Variants in COL25A1 observed in about 807,000 individuals in gnomAD.
COL25A1 encodes the protein collagen type XXV alpha 1 chain, also known as collagen alpha-1(XXV) chain.
A neutral mutation model predicts 128.4 loss-of-function variants in COL25A1; 103 were observed. The observed-to-expected ratio is 0.80, with a 90% CI of 0.68 to 0.94. COL25A1 has a LOEUF of 0.94. Ranked by LOEUF, COL25A1 falls within the 40% of genes least tolerant of loss-of-function variation. The pLI, the probability that COL25A1 is intolerant of heterozygous loss-of-function variation, is 0.00. For missense variants in COL25A1, 745 were observed against 840.0 expected, an observed-to-expected ratio of 0.89 and a Z score of 1.40; for synonymous variants, 279 against 277.2, an observed-to-expected ratio of 1.01 and a Z score of -0.06.
intron 3 of COL25A1, among the ~76,000 whole-genome samples, chr4:109,264,721 A>G (rs1001704144): frequency 1.4e-4 from 21 of 152,202 alleles, no homozygotes; most frequent in Non-Finnish European, 2.5e-4. Context: ...GATCAGGCCC[A>G]CTGATCAAAT....
chr4:109,184,442 G>A (rs1774955085), intron 3 of COL25A1, among the ~76,000 whole-genome samples: 1 of 152,108 alleles, frequency 6.6e-6, no homozygotes, highest in African/African-American at 2.4e-5. Context: ...CATGTCCAGG[G>A]CCTAACGAAG....
chr4:108,824,222 G>A lies in COL25A1; in HGVS notation c.1797C>T (p.Phe599=), dbSNP rs766049644. 3 of 1,611,180 alleles carry A rather than the reference G, an allele frequency of 1.9e-6. No individual in the cohort carries two copies. Among genetic ancestry groups the A allele is most frequent in the Non-Finnish European group, 2.5e-6 (3 of 1,178,750 alleles). ...GKDGEPGLDG[F]PGPRGEKGDL... ...CACCCTTCTCACCCCGTGGACCAGG[G>A]AAGCCCTGTAAGATAAAAAGCAAAC... The change falls in exon 35 of 38, where the codon TTC becomes TTT. Residue 599 remains phenylalanine (F), a synonymous_variant. Coordinates refer to ENST00000399132, the MANE Select transcript of COL25A1 (RefSeq NM_198721.4).
At chr4:109,301,545 A>T (rs1317716164) in intron 2 of COL25A1, among the ~76,000 whole-genome samples, 178 bp downstream of exon 2, 1 of 152,194 alleles carries the variant, frequency 6.6e-6, no homozygotes, top group Admixed American at 6.5e-5. Context: ...ACATCAAGGG[A>T]TGTGCACATA....
chr4:109,114,407 C>T (rs142015491), intron 3 of COL25A1, among the ~76,000 whole-genome samples: 145 of 152,016 alleles, frequency 9.5e-4, no homozygotes, highest in Non-Finnish European at 1.8e-3. Flanking sequence ...ACATTCAATC[C>T]AGACTTGAGG....
At chr4:108,886,490 G>GTTTTTTTTT (rs201934712) in intron 18 of COL25A1, among the ~76,000 whole-genome samples, 37 of 41,906 alleles carry the variant, frequency 8.8e-4, no homozygotes, top group African/African-American at 2.4e-3. Flanking sequence ...GTGTGTGTGT[G>GTTTTTTTTT]TGTTTAGCTC....
chr4:108,930,184 C>T (rs2125913730), intron 11 of COL25A1, among the ~76,000 whole-genome samples: 2 of 152,124 alleles, frequency 1.3e-5, no homozygotes, highest in Middle Eastern at 3.4e-3. Flanking sequence ...TTTTAAGGTT[C>T]CACTCAGACA....
chr4:108,942,748 A>ATTT (rs1748277624), intron 8 of COL25A1, among the ~76,000 whole-genome samples: 1 of 103,622 alleles, frequency 9.7e-6, no homozygotes, highest in African/African-American at 4.2e-5. Context: ...CCACATCTGG[A>ATTT]CTTTTTTTTT....
At chr4:109,294,287 TCACAGAATA>T (rs967658153) in intron 3 of COL25A1, among the ~76,000 whole-genome samples, 4 of 152,120 alleles carry the variant, frequency 2.6e-5, no homozygotes, top group African/African-American at 9.7e-5. Context: ...TTTAAATGAA[TCACAGAATA>T]GTCATTTGGA....
chr4:108,824,017 C>T (rs1485542772), intron 35 of COL25A1, 157 bp downstream of exon 35: 3 of 1,599,596 alleles, frequency 1.9e-6, no homozygotes, highest in East Asian at 2.3e-5. Flanking sequence ...TTCTTCATTC[C>T]TCTCTGAAGA....
At position 109,000,953 on chromosome 4, in the gene COL25A1, CAAAAAG is replaced by C. The variant is rs1283081135; in HGVS notation, c.438+9399_438+9404del. Among the ~76,000 whole-genome samples the C allele has an allele frequency of 4.6e-5, 7 of 151,234 alleles. No homozygotes were observed. In the East Asian group the frequency reaches 1.4e-3, roughly 29 times the overall value. ...GAGGAAAGGCTACTGGAAGAAAAGG[CAAAAAG>C]AAAAAGAAGATTTGAAGAGAAAAGA... On this transcript the variant is annotated intron_variant, in intron 6 of 37. Coordinates refer to ENST00000399132, the MANE Select transcript of COL25A1 (RefSeq NM_198721.4).
chr4:109,160,427 G>A (rs983638612), intron 3 of COL25A1, among the ~76,000 whole-genome samples: 6 of 152,132 alleles, frequency 3.9e-5, no homozygotes, highest in Admixed American at 1.3e-4. Context: ...AATTGCCTTG[G>A]AAATTGGCCA....
intron 3 of COL25A1, among the ~76,000 whole-genome samples, chr4:109,221,952 G>A (rs1778445350): frequency 6.6e-6 from 1 of 151,666 alleles, no homozygotes; most frequent in Non-Finnish European, 1.5e-5. Context: ...AGAATAAAGT[G>A]GTCACAAGTT....
At chr4:108,850,576 A>G (rs1458353682) in intron 26 of COL25A1, among the ~76,000 whole-genome samples, 1 of 150,786 alleles carries the variant, frequency 6.6e-6, no homozygotes, top group African/African-American at 2.5e-5. Context: ...TCATCTGGGC[A>G]ACTTCTTCCT....
At chr4:108,876,012 T>A (rs1422349951) in intron 19 of COL25A1, among the ~76,000 whole-genome samples, 2 of 151,762 alleles carry the variant, frequency 1.3e-5, no homozygotes, top group African/African-American at 2.4e-5. Context: ...AAATGAACAA[T>A]GAGATCACTT....
At chr4:109,091,191 T>C (rs61703498) in intron 3 of COL25A1, among the ~76,000 whole-genome samples, 3,614 of 152,256 alleles carry the variant, frequency 0.024, 163 homozygotes, top group African/African-American at 0.082. Context: ...ATTTCTAACT[T>C]GTTTGCTTTG....
At chr4:108,904,719 G>A (rs1005428532) in intron 13 of COL25A1, among the ~76,000 whole-genome samples, 2 of 151,950 alleles carry the variant, frequency 1.3e-5, no homozygotes, top group Non-Finnish European at 2.9e-5. Flanking sequence ...AAACACTGAG[G>A]GCATTCCATA....
intron 10 of COL25A1, among the ~76,000 whole-genome samples, chr4:108,939,197 G>A (rs1747792681): frequency 6.6e-6 from 1 of 152,118 alleles, no homozygotes; most frequent in Non-Finnish European, 1.5e-5. Flanking sequence ...CTGTATTTCT[G>A]TTGGCAACCA....
rs562444064 is a variant in COL25A1 at position 109,227,254 on chromosome 4, G to A, written c.367+73329C>T. Among the ~76,000 whole-genome samples the A allele has an allele frequency of 1.6e-3, 193 of 123,586 alleles. 2 individuals are homozygous for A. The South Asian group carries it at 0.028, about 18-fold the overall frequency. 81.1% of individuals were successfully genotyped at this position (123,586 alleles called of 152,430 possible). The stretch of plus-strand genomic sequence containing the variant: ...AACGCAGTTTAATGGAGTCAAATTC[G>A]CAGCAAAAAAAAATGCATAAAACAA... On this transcript the variant is annotated intron_variant, in intron 3 of 37. Transcript: ENST00000399132.
chr4:109,202,488 C>T (rs1476029130), intron 3 of COL25A1, among the ~76,000 whole-genome samples: 2 of 151,692 alleles, frequency 1.3e-5, no homozygotes, highest in Non-Finnish European at 2.9e-5. Context: ...GACCTGAATG[C>T]AAAATGCAAC....
Sources: gnomAD v4.1 joint callset for allele counts (sites outside exome capture counted in the v4.1 genomes callset) on GRCh38, gnomAD v4.1.1 for gene constraint, MANE v1.5 for transcripts, NCBI Gene and HGNC (gene_info 2026-07-23, HGNC 2026-07-21) for gene names.